Variants in LONRF3 observed in about 807,000 individuals in gnomAD.
LONRF3 encodes LON peptidase N-terminal domain and ring finger 3, also known as LON peptidase N-terminal domain and RING finger protein 3.
LONRF3 carries 19 observed loss-of-function variants against 51.7 expected under a neutral mutation model. The ratio of observed to expected loss-of-function variants is 0.37; its 90% CI spans 0.26 to 0.54. The LOEUF is 0.54. Among genes scored for constraint, LONRF3 ranks in the 20% least tolerant of loss-of-function variants. The pLI, the probability that LONRF3 is intolerant of heterozygous loss-of-function variation, is 0.86. For synonymous variants in LONRF3, 265 were observed against 257.8 expected, an observed-to-expected ratio of 1.03 and a Z score of -0.27; for missense variants, 521 against 623.9, an observed-to-expected ratio of 0.84 and a Z score of 1.76.
chrX:119,012,245 T>G lies in LONRF3; in HGVS notation c.1811+272T>G, dbSNP rs145103820. ...TGGGCCTTGGAGTCAAACTGCCTGC[T>G]TTCATTATCTAGTTGCAGCCTTGGA... is the stretch of plus-strand genomic sequence containing the variant. On this transcript the variant is annotated intron_variant, in intron 8 of 10. Transcript: ENST00000371628. 1.8e-3 allele frequency among the ~76,000 whole-genome samples: 194 copies of G among 108,903 alleles called. 2 individuals are homozygous for G. The highest frequency in any genetic ancestry group is 6.3e-3 in the African/African-American group (189 of 29,949). 94.6% of individuals were successfully genotyped at this position (108,903 alleles called of 115,157 possible). A position where few individuals can be genotyped will look rare whatever the true frequency, so the allele number is the denominator to read the frequency against.
At chrX:119,007,507 AATCT>A (rs1924814495) in intron 6 of LONRF3, among the ~76,000 whole-genome samples, 1 of 112,313 alleles carries the variant, frequency 8.9e-6, no homozygotes, top group Admixed American at 9.4e-5. Context: ...AAGACCTGAG[AATCT>A]ATCTTGTTTT....
chrX:119,002,618 G>A (rs752311059), intron 5 of LONRF3, among the ~76,000 whole-genome samples: 8 of 110,833 alleles, frequency 7.2e-5, no homozygotes, highest in Non-Finnish European at 1.5e-4. Flanking sequence ...ATAAGTGTTT[G>A]TTCATTTTCT....
chrX:118,976,374 C>G (rs1922055503), intron 1 of LONRF3: 1 of 113,768 alleles, frequency 8.8e-6, no homozygotes, highest in South Asian at 3.5e-4. Context: ...GCTTGCGCCC[C>G]GCTGCCCTGT....
At chrX:119,004,310 G>A (rs943923340) in intron 5 of LONRF3, among the ~76,000 whole-genome samples, 9 of 112,151 alleles carry the variant, frequency 8.0e-5, no homozygotes, top group Non-Finnish European at 3.8e-5. Context: ...TACATGAAAA[G>A]TCTCTCTCCT....
At chrX:119,000,333 A>C (rs1924182778) in intron 5 of LONRF3, among the ~76,000 whole-genome samples, 1 of 112,480 alleles carries the variant, frequency 8.9e-6, no homozygotes, top group African/African-American at 3.2e-5. Flanking sequence ...TAGAGAGAAA[A>C]TTAGGAGAAG....
chrX:118,987,140 CGTGG>C, intron 3 of LONRF3: 1 of 966,692 alleles, frequency 1.0e-6, no homozygotes, highest in Non-Finnish European at 1.4e-6. Flanking sequence ...TGTGGGCAAA[CGTGG>C]GGAGTGAGCC....
chrX:119,000,775 T>TTCTCTCTCTCTCTCTCTCTCTCTC (rs200671696), intron 5 of LONRF3, among the ~76,000 whole-genome samples: 1 of 55,852 alleles, frequency 1.8e-5, no homozygotes, highest in Non-Finnish European at 3.3e-5. Flanking sequence ...TTCACTCTCA[T>TTCTCTCTCTCTCTCTCTCTCTCTC]TCTCTCTCTC....
chrX:119,009,614 G>C (rs976901393), intron 7 of LONRF3, among the ~76,000 whole-genome samples: 8 of 111,872 alleles, frequency 7.2e-5, no homozygotes, highest in Non-Finnish European at 1.3e-4. Context: ...GTTGCTATGA[G>C]GTTAAGAACT....
chrX:118,994,868 TAGAC>T (rs1467971153), intron 5 of LONRF3, among the ~76,000 whole-genome samples: 1 of 112,135 alleles, frequency 8.9e-6, no homozygotes, highest in African/African-American at 3.2e-5. Context: ...AGAAATGAGA[TAGAC>T]AGCAACACAA....
intron 6 of LONRF3, among the ~76,000 whole-genome samples, chrX:119,007,103 C>T (rs1372088819): frequency 2.7e-5 from 3 of 112,540 alleles, no homozygotes; most frequent in South Asian, 7.3e-4. Context: ...GCTTTTTATG[C>T]AGTGTAAGTA....
chrX:118,977,822 T>A (rs1191733548), intron 1 of LONRF3, among the ~76,000 whole-genome samples: 1 of 112,265 alleles, frequency 8.9e-6, no homozygotes, highest in African/African-American at 3.2e-5. Flanking sequence ...CATGTAAATG[T>A]ATTTCCATTT....
chrX:119,004,895 G>A (rs1329458683), intron 5 of LONRF3, among the ~76,000 whole-genome samples: 1 of 112,576 alleles, frequency 8.9e-6, no homozygotes, highest in East Asian at 2.8e-4. Context: ...AATTATTGTT[G>A]TAATAGAAAA....
chrX:118,975,738 G>GGGGGGGGGGGGT, intron 1 of LONRF3, 141 bp downstream of exon 1: 1 of 287,577 alleles, frequency 3.5e-6, no homozygotes, highest in Non-Finnish European at 6.0e-6. Flanking sequence ...CGGGGTGGGG[G>GGGGGGGGGGGGT]AGGGGTGATT....
At chrX:119,012,104 A>G (rs111434717) in intron 8 of LONRF3, 131 bp downstream of exon 8, 2 of 622,842 alleles carry the variant, frequency 3.2e-6, no homozygotes, top group South Asian at 6.5e-5. Flanking sequence ...GAGCATTTGT[A>G]AGGATCATTG....
chrX:119,006,499 C>G (rs971382424), intron 6 of LONRF3, among the ~76,000 whole-genome samples: 1 of 108,323 alleles, frequency 9.2e-6, no homozygotes, highest in Admixed American at 9.8e-5. Flanking sequence ...CTCCTGGGTT[C>G]CAGCAGTTCT....
At chrX:119,003,395 TTTTGCGAA>T (rs1394905867) in intron 5 of LONRF3, among the ~76,000 whole-genome samples, 1 of 111,834 alleles carries the variant, frequency 8.9e-6, no homozygotes. Flanking sequence ...TGGAATTGAT[TTTTGCGAA>T]TGATATGAGA....
chrX:119,013,288 A>C, intron 9 of LONRF3, 87 bp downstream of exon 9: 1 of 946,650 alleles, frequency 1.1e-6, no homozygotes, highest in Non-Finnish European at 1.5e-6. Context: ...ATTTCTCAGA[A>C]CCCTTGAGGG....
At chrX:118,975,916 TTCTCCGTC>T (rs1419840821) in intron 1 of LONRF3, among the ~76,000 whole-genome samples, 1 of 112,123 alleles carries the variant, frequency 8.9e-6, no homozygotes, top group African/African-American at 3.2e-5. Flanking sequence ...CTGGTTCTTT[TTCTCCGTC>T]TCTTCGTATC....
At chrX:118,981,797 A>G (rs1490987452) in intron 2 of LONRF3, among the ~76,000 whole-genome samples, 1 of 112,097 alleles carries the variant, frequency 8.9e-6, no homozygotes, top group Non-Finnish European at 1.9e-5. Flanking sequence ...CCATAGCCTG[A>G]GGGCTCTGGG....
Sources: allele counts gnomAD v4.1 joint callset (sites outside exome capture counted in the v4.1 genomes callset), GRCh38; gene constraint gnomAD v4.1.1; transcripts MANE v1.5; gene names NCBI Gene and HGNC (gene_info 2026-07-23, HGNC 2026-07-21).